Variants in THOC5 observed in about 807,000 individuals in gnomAD.
THOC5 encodes the protein THO complex subunit 5, also known as Fms-interacting protein.
In THOC5, 43 loss-of-function variants were observed where a neutral mutation model predicts 92.9. That is an observed-to-expected ratio of 0.46 (90% CI 0.36 to 0.60). THOC5 has a LOEUF of 0.60. Ranked by LOEUF, THOC5 falls within the 20% of genes least tolerant of loss-of-function variation. The pLI, the probability that THOC5 is intolerant of heterozygous loss-of-function variation, is 0.00. For synonymous variants in THOC5, 296 were observed against 320.1 expected, an observed-to-expected ratio of 0.92 and a Z score of 0.80; for missense variants, 659 against 849.4, an observed-to-expected ratio of 0.78 and a Z score of 2.79.
chr22:29,530,733 T>A (rs569672838), intron 8 of THOC5, among the ~76,000 whole-genome samples: 6 of 152,132 alleles, frequency 3.9e-5, no homozygotes, highest in African/African-American at 1.4e-4. Context: ...TGACACCTCA[T>A]TGAGTGATGT....
At chr22:29,526,052 AC>A (rs1278104720) in intron 11 of THOC5, 106 bp from the exon 12 acceptor site, 1 of 693,466 alleles carries the variant, frequency 1.4e-6, no homozygotes, top group African/African-American at 1.9e-5. Context: ...TGAAAAACTA[AC>A]TACTAGGTAT....
At chr22:29,532,004 C>T (rs765849833) in intron 7 of THOC5, 41 bp from the exon 8 acceptor site, 3 of 1,601,878 alleles carry the variant, frequency 1.9e-6, no homozygotes, top group South Asian at 2.2e-5. Context: ...CTTTTTTAGC[C>T]AGTCCACACA....
chr22:29,543,385 G>A (rs1373268594), intron 4 of THOC5, 44 bp downstream of exon 4: 5 of 1,284,076 alleles, frequency 3.9e-6, no homozygotes, highest in Non-Finnish European at 4.5e-6. Flanking sequence ...AGGGGATGGG[G>A]AGGAGGAAGG....
rs372358372 is a variant in THOC5 at position 29,548,540 on chromosome 22, G to A, written c.96+512C>T. Among the ~76,000 whole-genome samples, 4 of 152,288 alleles carry A rather than the reference G, an allele frequency of 2.6e-5. No homozygotes were observed. In the East Asian group the frequency reaches 7.7e-4, roughly 29 times the overall value. ...ACTGTACTCCGACGTGAGCGACACA[G>A]TGAGACCCTGTCTCAAAAAAAATTT... is the stretch of plus-strand genomic sequence containing the variant. On this transcript the variant is annotated intron_variant, in intron 2 of 19. Transcript: ENST00000490103.
At chr22:29,541,790 G>C (rs1377099350) in intron 5 of THOC5, among the ~76,000 whole-genome samples, 1 of 144,458 alleles carries the variant, frequency 6.9e-6, no homozygotes, top group Admixed American at 7.0e-5. Flanking sequence ...GAACCCGGGA[G>C]GCGGAGCTTG....
rs2063162255 is a variant in THOC5, at chr22:29,508,517, A to G, written c.1992T>C (p.Gly664=). The G allele has an allele frequency of 7.4e-6, 12 of 1,613,760 alleles. No homozygotes were observed. Among genetic ancestry groups the G allele is most frequent in the Non-Finnish European group, 1.0e-5 (12 of 1,179,664 alleles). ...ATTTAAATGGCTTCATCCTGCTAGGACCCCTAGAGAAATAGGAGAACGGAG... is the reference window on the plus strand; with the variant it reads ...ATTTAAATGGCTTCATCCTGCTAGGGCCCCTAGAGAAATAGGAGAACGGAG... ...QEKMCLRLFR[G]PSRMKPFKYN... The change falls in exon 20 of 20, where the codon GGT becomes GGC. Residue 664 remains glycine, a synonymous_variant. Transcript: ENST00000490103.
At chr22:29,515,144 C>T (rs6006180) in intron 17 of THOC5, among the ~76,000 whole-genome samples, 10 of 152,098 alleles carry the variant, frequency 6.6e-5, no homozygotes, top group African/African-American at 2.2e-4. Context: ...TGGGTTCAAG[C>T]GATTCTCCTG....
At chr22:29,532,481 C>G (rs1411939586) in intron 7 of THOC5, among the ~76,000 whole-genome samples, 1 of 148,498 alleles carries the variant, frequency 6.7e-6, no homozygotes, top group Non-Finnish European at 1.5e-5. Flanking sequence ...CTGACGGACA[C>G]AGAGAACCCC....
chr22:29,544,281 G>A (rs1002987232), intron 3 of THOC5, among the ~76,000 whole-genome samples, 179 bp downstream of exon 3: 4 of 152,152 alleles, frequency 2.6e-5, no homozygotes, highest in Admixed American at 1.3e-4. Context: ...CCTGTAATTG[G>A]TGACTGAATG....
chr22:29,543,347 CAAA>C (rs59948387), intron 4 of THOC5, 79 bp downstream of exon 4: 17,226 of 453,656 alleles, frequency 0.038, no homozygotes, highest in East Asian at 0.056. Flanking sequence ...GACTCTGTCT[CAAA>C]AAAAAAAAAA....
At position 29,536,656 on chromosome 22, in the gene THOC5, T is replaced by C. The variant is rs1409453695; in HGVS notation, c.682A>G (p.Ser228Gly). The change falls in exon 7 of 20, where the codon AGC (serine) becomes GGC (glycine). Residue 228 changes from serine (S) to glycine (G), a missense_variant. Ser to Gly is a moderately conservative substitution (Grantham distance 56). Coordinates refer to ENST00000490103, the MANE Select transcript of THOC5 (RefSeq NM_003678.5). ...EIEVKKEYLS[S>G]LQPRLNSIMQ... ...ATGCTGTTGAGGCGGGGCTGGAGGC[T>C]GCTCAGGTACTCCTTCTTCACCTCA... 6.2e-7 allele frequency: 1 copy of C among 1,613,574 alleles called. No homozygotes were observed. Among genetic ancestry groups the C allele is most frequent in the African/African-American group, 1.3e-5 (1 of 74,952 alleles).
chr22:29,523,017 A>G (rs769507247), intron 12 of THOC5, among the ~76,000 whole-genome samples: 67 of 149,776 alleles, frequency 4.5e-4, no homozygotes, highest in Non-Finnish European at 8.6e-4. Context: ...AAAAGAAAAC[A>G]AAAAACCAAA....
intron 6 of THOC5, among the ~76,000 whole-genome samples, chr22:29,538,800 GGAAAAAA>G (rs1209814694): frequency 6.1e-5 from 2 of 32,988 alleles, no homozygotes; most frequent in Non-Finnish European, 1.1e-4. Context: ...CCATCTCTTT[GGAAAAAA>G]AAAAAAAAAA....
intron 2 of THOC5, among the ~76,000 whole-genome samples, chr22:29,544,830 A>G (rs963872427): frequency 1.3e-5 from 2 of 152,238 alleles, no homozygotes; most frequent in Non-Finnish European, 2.9e-5. Context: ...TCAAAGATTC[A>G]GAATATACAG....
At chr22:29,544,958 C>T (rs1266015367) in intron 2 of THOC5, 8 of 330,036 alleles carry the variant, frequency 2.4e-5, no homozygotes, top group Admixed American at 1.3e-4. Flanking sequence ...ATCATACTGT[C>T]CGTGCTGTTA....
chr22:29,517,211 T>C, intron 16 of THOC5, 52 bp downstream of exon 16: 11 of 1,601,720 alleles, frequency 6.9e-6, no homozygotes, highest in Non-Finnish European at 8.6e-6. Flanking sequence ...AAAGGTGACA[T>C]GGTCCTGCAA....
intron 8 of THOC5, 131 bp from the exon 9 acceptor site, chr22:29,529,370 A>G: frequency 1.1e-6 from 1 of 877,948 alleles, no homozygotes; most frequent in Non-Finnish European, 1.8e-6. Context: ...TGGAAGGGCA[A>G]AAGTCCTTGC....
intron 18 of THOC5, 58 bp downstream of exon 18, chr22:29,511,963 C>T (rs947165472): frequency 3.5e-5 from 51 of 1,469,576 alleles, no homozygotes; most frequent in East Asian, 9.1e-5. Context: ...GGTTCTGCCA[C>T]GGCCACCTCC....
chr22:29,514,552 G>T (rs532159954), intron 17 of THOC5, among the ~76,000 whole-genome samples: 1 of 151,334 alleles, frequency 6.6e-6, no homozygotes, highest in South Asian at 2.1e-4. Context: ...TCCTGACCTC[G>T]TGATCCGCCC....
Sources: gnomAD v4.1 joint callset for allele counts (sites outside exome capture counted in the v4.1 genomes callset) on GRCh38, gnomAD v4.1.1 for gene constraint, MANE v1.5 for transcripts, NCBI Gene and HGNC (gene_info 2026-07-23, HGNC 2026-07-21) for gene names.